Variants in IFT74 observed in about 807,000 individuals in gnomAD.
The protein encoded by IFT74 is intraflagellar transport 74.
In IFT74, 92 loss-of-function variants were observed where a neutral mutation model predicts 96.7. The observed-to-expected ratio is 0.95, with a 90% CI of 0.80 to 1.13. The LOEUF is 1.13. Ranked by LOEUF, IFT74 falls within the 50% of genes most tolerant of loss-of-function variation. The pLI, the probability that IFT74 is intolerant of heterozygous loss-of-function variation, is 0.00. For missense variants in IFT74, 811 were observed against 698.2 expected (o/e 1.16, Z -1.82); for synonymous variants, 223 against 213.2 (o/e 1.05, Z -0.40).
At chr9:26,990,076 A>G in intron 7 of IFT74, 58 bp from the exon 8 acceptor site, 1 of 1,031,034 alleles carries the variant, frequency 9.7e-7, no homozygotes. Flanking sequence ...ATAACCTACA[A>G]AGAAAAAATT....
chr9:26,995,731 A>G (rs1320667899), intron 8 of IFT74: 1 of 1,613,788 alleles, frequency 6.2e-7, no homozygotes, highest in Non-Finnish European at 8.5e-7. Flanking sequence ...GATTATAACT[A>G]AGCAGAATAT....
At chr9:27,045,619 C>T (rs560790467) in intron 14 of IFT74, among the ~76,000 whole-genome samples, 7 of 152,150 alleles carry the variant, frequency 4.6e-5, no homozygotes, top group African/African-American at 1.7e-4. Flanking sequence ...TCACTTAAAC[C>T]TATACATTTA....
At chr9:27,039,659 C>A (rs1052536853) in intron 13 of IFT74, among the ~76,000 whole-genome samples, 1 of 152,162 alleles carries the variant, frequency 6.6e-6, no homozygotes, top group Non-Finnish European at 1.5e-5. Flanking sequence ...CCCTAGACAA[C>A]ACAGTGTAAC....
At chr9:27,051,349 A>T (rs1036298482) in intron 16 of IFT74, among the ~76,000 whole-genome samples, 1 of 152,070 alleles carries the variant, frequency 6.6e-6, no homozygotes, top group African/African-American at 2.4e-5. Flanking sequence ...TTGTATGTCT[A>T]TATGCCAAGT....
chr9:27,012,881 TA>T (rs1258705969), intron 10 of IFT74, among the ~76,000 whole-genome samples: 1 of 151,854 alleles, frequency 6.6e-6, no homozygotes, highest in African/African-American at 2.4e-5. Flanking sequence ...CACACCCAGC[TA>T]ATTTTTTTGT....
chr9:27,043,015 G>T (rs1407664580), intron 13 of IFT74, among the ~76,000 whole-genome samples: 1 of 152,098 alleles, frequency 6.6e-6, no homozygotes, highest in African/African-American at 2.4e-5. Flanking sequence ...AGTACCTCTG[G>T]CCTCCTCTTC....
At chr9:26,962,229 T>G in intron 2 of IFT74, 142 bp downstream of exon 2, 1 of 667,794 alleles carries the variant, frequency 1.5e-6, no homozygotes. Flanking sequence ...AAAAATCTGT[T>G]GAATGCTTGT....
intron 10 of IFT74, among the ~76,000 whole-genome samples, chr9:27,015,030 C>G (rs1829277278): frequency 6.6e-6 from 1 of 152,172 alleles, no homozygotes; most frequent in African/African-American, 2.4e-5. Context: ...TTAGGTCATG[C>G]TTATTCAGTT....
chr9:27,037,852 A>G (rs1260797870), intron 13 of IFT74, among the ~76,000 whole-genome samples: 2 of 152,214 alleles, frequency 1.3e-5, no homozygotes. Flanking sequence ...AAATACCTGG[A>G]AGAGAACAGG....
chr9:27,008,876 G>A (rs1490041385), intron 8 of IFT74, 144 bp from the exon 9 acceptor site: 1 of 603,236 alleles, frequency 1.7e-6, no homozygotes, highest in African/African-American at 1.9e-5. Flanking sequence ...GCATTTTTTA[G>A]TACAAATATA....
chr9:26,950,657 C>T (rs1025904419), intron 1 of IFT74, among the ~76,000 whole-genome samples: 7 of 152,338 alleles, frequency 4.6e-5, no homozygotes, highest in African/African-American at 1.7e-4. Flanking sequence ...AGTTATAATT[C>T]TGCAAAGGTA....
chr9:27,037,446 T>TA (rs924669638), intron 13 of IFT74, among the ~76,000 whole-genome samples: 2 of 152,102 alleles, frequency 1.3e-5, no homozygotes, highest in African/African-American at 4.8e-5. Flanking sequence ...CACACGAACT[T>TA]AAAGATCACA....
intron 13 of IFT74, among the ~76,000 whole-genome samples, chr9:27,044,168 A>G (rs1200021132): frequency 2.0e-5 from 3 of 152,134 alleles, no homozygotes; most frequent in Non-Finnish European, 2.9e-5. Context: ...TTTACTGGTA[A>G]TGCTTTGACA....
intron 18 of IFT74, among the ~76,000 whole-genome samples, chr9:27,056,883 GATA>G (rs1820188378): frequency 1.3e-5 from 2 of 151,628 alleles, no homozygotes; most frequent in African/African-American, 4.8e-5. Flanking sequence ...TAGATAGATA[GATA>G]GATAGATAGA....
At chr9:26,966,571 T>C (rs1447051360) in intron 2 of IFT74, among the ~76,000 whole-genome samples, 1 of 152,150 alleles carries the variant, frequency 6.6e-6, no homozygotes, top group Admixed American at 6.5e-5. Flanking sequence ...ATATTCTGTT[T>C]ATTAATTTCT....
At chr9:27,001,594 CTTTTGTGTGTT>C (rs1301230054) in intron 8 of IFT74, among the ~76,000 whole-genome samples, 1 of 152,022 alleles carries the variant, frequency 6.6e-6, no homozygotes, top group Admixed American at 6.6e-5. Flanking sequence ...ACTTGTTTGT[CTTTTGTGTGTT>C]TTTTGAGAAA....
intron 13 of IFT74, among the ~76,000 whole-genome samples, chr9:27,030,878 A>G (rs909719792): frequency 6.6e-6 from 1 of 152,240 alleles, no homozygotes; most frequent in Admixed American, 6.5e-5. Context: ...GTAAAGCAGA[A>G]CACACCAAGT....
intron 16 of IFT74, among the ~76,000 whole-genome samples, chr9:27,054,869 C>T (rs1031457127): frequency 6.6e-6 from 1 of 152,066 alleles, no homozygotes; most frequent in Non-Finnish European, 1.5e-5. Flanking sequence ...TTTAAAATGG[C>T]CCCAAGCAAA....
intron 2 of IFT74, among the ~76,000 whole-genome samples, chr9:26,968,777 G>A (rs1251900922): frequency 6.6e-6 from 1 of 151,120 alleles, no homozygotes; most frequent in South Asian, 2.1e-4. Flanking sequence ...TTTCATTTCT[G>A]ATTATATTTA....
Sources: gnomAD v4.1 joint callset for allele counts (sites outside exome capture counted in the v4.1 genomes callset) on GRCh38, gnomAD v4.1.1 for gene constraint, MANE v1.5 for transcripts, NCBI Gene and HGNC (gene_info 2026-07-23, HGNC 2026-07-21) for gene names.